CEBPZOS: variants seen among roughly 807,000 people sequenced by gnomAD.
The protein encoded by CEBPZOS is protein CEBPZOS.
In CEBPZOS, 10 loss-of-function variants were observed where a neutral mutation model predicts 4.8. The ratio of observed to expected loss-of-function variants is 2.07; its 90% CI spans 1.28 to 3.52. The LOEUF is 3.52. CEBPZOS is among the 30% of genes most tolerant of loss of function. The pLI is 0.00. For missense variants in CEBPZOS, 98 were observed against 43.6 expected (o/e 2.25, Z -3.51); for synonymous variants, 25 against 14.2 (o/e 1.77, Z -1.72).
chr2:37,207,799 A>G (rs540185942), downstream of CEBPZOS, among the ~76,000 whole-genome samples: 1 of 152,322 alleles, frequency 6.6e-6, no homozygotes, highest in South Asian at 2.1e-4. Context: ...GAAATAACAA[A>G]TATCAGAGCA....
chr2:37,211,093 A>G, intron 4 of CEBPZOS: 2 of 1,591,346 alleles, frequency 1.3e-6, no homozygotes, highest in Non-Finnish European at 1.7e-6. Flanking sequence ...CTGTTACACG[A>G]AAAAATTTGC....
downstream of CEBPZOS, among the ~76,000 whole-genome samples, chr2:37,207,052 CAA>C (rs1288524649): frequency 2.6e-5 from 4 of 152,176 alleles, no homozygotes; most frequent in East Asian, 1.9e-4. Context: ...TTAAAAAAGA[CAA>C]AGAGGGACAT....
At chr2:37,205,028 CTAATA>C (rs1211341298), downstream of CEBPZOS, among the ~76,000 whole-genome samples, 1 of 152,126 alleles carries the variant, frequency 6.6e-6, no homozygotes, top group Non-Finnish European at 1.5e-5. Flanking sequence ...TCATCTTATG[CTAATA>C]CTAAAACATG....
intron 4 of CEBPZOS, chr2:37,211,965 A>G (rs753256697): frequency 6.2e-7 from 1 of 1,613,672 alleles, no homozygotes; most frequent in Non-Finnish European, 8.5e-7. Context: ...CAGGTTACCA[A>G]GTTCATCATC....
At chr2:37,210,805 T>A in intron 4 of CEBPZOS, 1 of 474,920 alleles carries the variant, frequency 2.1e-6, no homozygotes, top group Non-Finnish European at 3.7e-6. Context: ...AATGAAAAGA[T>A]GATCCAGAGA....
Position 37,203,187 on chromosome 2 carries a change from C to A in CEBPZOS, c.*1327C>A. ...TTTAAGAGTTAGTATATAATATTTT[C>A]AAAAAGCTAACAACATCCTAATAGA... On this transcript the variant is annotated 3_prime_UTR_variant, in exon 5 of 5. Coordinates refer to ENST00000402297, the MANE Select transcript of CEBPZOS (RefSeq NM_001322374.2). 1 of 441,874 alleles carries A rather than the reference C, an allele frequency of 2.3e-6. No individual in the cohort carries two copies. The allele number at this position is 441,874 out of a possible 1,614,324, so 27.4% of individuals were successfully genotyped here.
At chr2:37,214,623 A>G (rs1677825637), downstream of CEBPZOS, among the ~76,000 whole-genome samples, 1 of 152,210 alleles carries the variant, frequency 6.6e-6, no homozygotes, top group Admixed American at 6.5e-5. Context: ...ACTAAGATAT[A>G]TTAAGATTAG....
intron 1 of CEBPZOS, chr2:37,197,200 T>G (rs1676986562): frequency 1.3e-5 from 2 of 152,522 alleles, no homozygotes; most frequent in South Asian, 2.1e-4. Context: ...GGCGCTGGTC[T>G]GCCGTGTCTC....
chr2:37,202,070 T>C lies in CEBPZOS; in HGVS notation c.*210T>C, dbSNP rs949649840. The C allele has an allele frequency of 3.5e-5, 16 of 457,922 alleles. No homozygotes were observed. Among genetic ancestry groups the C allele is most frequent in the African/African-American group, 3.0e-4 (15 of 50,018 alleles). 28.4% of individuals were successfully genotyped at this position (457,922 alleles called of 1,614,324 possible). A position where few individuals can be genotyped will look rare whatever the true frequency, so the allele number is the denominator to read the frequency against. ...TTGTTGCTTTTCTTCTCATATTTAT[T>C]GTCAAAGATAAATGTTTCAAAAAGA... On this transcript the variant is annotated 3_prime_UTR_variant, in exon 5 of 5. Transcript: ENST00000402297.
intron 4 of CEBPZOS, chr2:37,212,291 G>C: frequency 6.5e-7 from 1 of 1,546,636 alleles, no homozygotes; most frequent in Non-Finnish European, 8.9e-7. Flanking sequence ...CAACAATTTG[G>C]GAAATGCTAG....
chr2:37,200,108 G>T (rs1287807797), intron 2 of CEBPZOS, among the ~76,000 whole-genome samples: 1 of 152,122 alleles, frequency 6.6e-6, no homozygotes, highest in Non-Finnish European at 1.5e-5. Context: ...TAGTTTGGGA[G>T]CACAGATGGA....
At chr2:37,211,878 A>G (rs759528974) in intron 4 of CEBPZOS, 2 of 1,609,980 alleles carry the variant, frequency 1.2e-6, no homozygotes, top group African/African-American at 2.7e-5. Flanking sequence ...TAACACATCC[A>G]TGAATGTTCC....
rs1229972914 is a variant in CEBPZOS, at chr2:37,203,276, C to T, written c.*1416C>T. On this transcript the variant is annotated 3_prime_UTR_variant, in exon 5 of 5. Coordinates refer to ENST00000402297, the MANE Select transcript of CEBPZOS (RefSeq NM_001322374.2). ...TTTGGCCACTGATCGAAGTTTTACC[C>T]ATAAGGGAAATAACATAGTATCAAG... The T allele has an allele frequency of 1.2e-5, 3 of 249,478 alleles. No homozygotes were observed. Among genetic ancestry groups the T allele is most frequent in the Non-Finnish European group, 2.3e-5 (3 of 132,348 alleles). 15.5% of individuals were successfully genotyped at this position (249,478 alleles called of 1,614,324 possible).
In CEBPZOS at chr2:37,199,683, CAT is replaced by C. The variant is rs1677117425; in HGVS notation, c.-1-18_-1-17del. 7 of 714,542 alleles carry C rather than the reference CAT, an allele frequency of 9.8e-6. No homozygotes were observed. Among genetic ancestry groups the C allele is most frequent in the African/African-American group, 1.7e-5 (1 of 57,144 alleles). The allele number at this position is 714,542 out of a possible 1,614,324, so 44.3% of individuals were successfully genotyped here. A position where few individuals can be genotyped will look rare whatever the true frequency, so the allele number is the denominator to read the frequency against. On this transcript the variant is annotated intron_variant, in intron 1 of 4. Coordinates refer to ENST00000402297, the MANE Select transcript of CEBPZOS (RefSeq NM_001322374.2). Reference sequence around the variant, plus strand: ...TTAAGTATGTTCATTCAGGTTTACACATATCTGTTGTTAAATTTAGGATGGCC... The same window carrying C: ...TTAAGTATGTTCATTCAGGTTTACACATCTGTTGTTAAATTTAGGATGGCC...
At chr2:37,205,806 T>C (rs1677518698), downstream of CEBPZOS, among the ~76,000 whole-genome samples, 1 of 152,228 alleles carries the variant, frequency 6.6e-6, no homozygotes, top group Admixed American at 6.5e-5. Context: ...TTTTCTTTTA[T>C]TAGCACCTTG....
At chr2:37,211,850 G>A (rs1137437) in intron 4 of CEBPZOS, 601,744 of 1,590,218 alleles carry the variant, frequency 0.38, 116,449 homozygotes, top group Middle Eastern at 0.41. Context: ...TACCTGGAAC[G>A]CTCTCACTTT....
chr2:37,216,112 G>C (rs1307002067), downstream of CEBPZOS: 2 of 1,522,084 alleles, frequency 1.3e-6, no homozygotes, highest in Admixed American at 1.8e-5. Flanking sequence ...TGTCTTTTCA[G>C]TTTCAACTGT....
At chr2:37,199,212 A>T (rs1334322060) in intron 1 of CEBPZOS, among the ~76,000 whole-genome samples, 1 of 152,040 alleles carries the variant, frequency 6.6e-6, no homozygotes, top group Non-Finnish European at 1.5e-5. Context: ...ACTATCTATA[A>T]TATATAGTAT....
rs1350127745 is a variant in CEBPZOS at position 37,211,946 on chromosome 2, A to G, written c.*3-1491A>G. ...CATCCATACTTCCTAAAGAAACTTCATCGTCATCCAGGTTACCAAGTTCAT... is the reference window on the plus strand; with the variant it reads ...CATCCATACTTCCTAAAGAAACTTCGTCGTCATCCAGGTTACCAAGTTCAT... On this transcript the variant is annotated intron_variant, in intron 4 of 4. Transcript: ENST00000397064. 4 of 1,613,842 alleles carry G rather than the reference A, an allele frequency of 2.5e-6. No homozygotes were observed. The South Asian group carries it at 3.3e-5, about 13-fold the overall frequency.
Sources: allele counts gnomAD v4.1 joint callset (sites outside exome capture counted in the v4.1 genomes callset), GRCh38; gene constraint gnomAD v4.1.1; transcripts MANE v1.5; gene names NCBI Gene and HGNC (gene_info 2026-07-23, HGNC 2026-07-21).